Variants in FBXL7 observed in about 807,000 individuals in gnomAD.
FBXL7 encodes F-box and leucine rich repeat protein 7, also known as F-box/LRR-repeat protein 7.
A neutral mutation model predicts 38.3 loss-of-function variants in FBXL7; 12 were observed. The observed-to-expected ratio is 0.31, with a 90% CI of 0.20 to 0.51. The LOEUF is 0.51. Among genes scored for constraint, FBXL7 ranks in the 20% least tolerant of loss-of-function variants. FBXL7 has a pLI of 0.98. For synonymous variants in FBXL7, 297 were observed against 300.9 expected (o/e 0.99, Z 0.13); for missense variants, 567 against 676.4 (o/e 0.84, Z 1.79).
chr5:15,705,896 A>AG (rs1284894656), intron 2 of FBXL7, among the ~76,000 whole-genome samples: 1 of 152,146 alleles, frequency 6.6e-6, no homozygotes, highest in Non-Finnish European at 1.5e-5. Context: ...TTATTTTTGA[A>AG]GGGAAAAAAT....
At chr5:15,848,717 T>G (rs1738999332) in intron 2 of FBXL7, among the ~76,000 whole-genome samples, 1 of 152,206 alleles carries the variant, frequency 6.6e-6, no homozygotes, top group Non-Finnish European at 1.5e-5. Flanking sequence ...GAGAGAACTT[T>G]AAGTCAAAAG....
intron 2 of FBXL7, among the ~76,000 whole-genome samples, chr5:15,835,227 T>C (rs1321925266): frequency 6.6e-6 from 1 of 152,170 alleles, no homozygotes; most frequent in African/African-American, 2.4e-5. Context: ...CCAGCAGGTT[T>C]TGAACTGAGG....
intron 2 of FBXL7, among the ~76,000 whole-genome samples, chr5:15,835,303 A>G (rs184730694): frequency 6.6e-4 from 101 of 152,332 alleles, no homozygotes; most frequent in African/African-American, 2.4e-3. Flanking sequence ...TGTAGCACCA[A>G]TGCAAAATGC....
chr5:15,666,832 CAA>C (rs940862439), intron 2 of FBXL7, among the ~76,000 whole-genome samples: 5 of 152,056 alleles, frequency 3.3e-5, no homozygotes, highest in Admixed American at 6.6e-5. Flanking sequence ...TTAGAGAAAA[CAA>C]AAAATAAAGT....
chr5:15,717,498 T>C (rs552437262), intron 2 of FBXL7, among the ~76,000 whole-genome samples: 1 of 152,338 alleles, frequency 6.6e-6, no homozygotes, highest in South Asian at 2.1e-4. Context: ...TCAGAATTTT[T>C]AGTGAAGCAG....
At chr5:15,618,512 A>C (rs1233573703) in intron 2 of FBXL7, among the ~76,000 whole-genome samples, 1 of 152,196 alleles carries the variant, frequency 6.6e-6, no homozygotes, top group Non-Finnish European at 1.5e-5. Flanking sequence ...TTGCGGGATG[A>C]TTAGTTTCCT....
intron 2 of FBXL7, among the ~76,000 whole-genome samples, chr5:15,811,947 G>A (rs1435638494): frequency 6.6e-6 from 1 of 152,104 alleles, no homozygotes; most frequent in Non-Finnish European, 1.5e-5. Context: ...CAAGGATCTA[G>A]AACCAGAAAT....
intron 2 of FBXL7, among the ~76,000 whole-genome samples, chr5:15,808,487 C>T (rs1363385106): frequency 6.6e-6 from 1 of 152,170 alleles, no homozygotes; most frequent in Non-Finnish European, 1.5e-5. Flanking sequence ...CTTCAGGCGA[C>T]ACCATGGGCA....
At chr5:15,843,284 C>G (rs1167219791) in intron 2 of FBXL7, among the ~76,000 whole-genome samples, 2 of 152,100 alleles carry the variant, frequency 1.3e-5, no homozygotes, top group Admixed American at 1.3e-4. Context: ...CTTATTACCC[C>G]CTCTGGTTCT....
chr5:15,590,227 C>G (rs371987197), intron 1 of FBXL7, among the ~76,000 whole-genome samples: 1 of 152,160 alleles, frequency 6.6e-6, no homozygotes, highest in African/African-American at 2.4e-5. Flanking sequence ...GCTGCCTCAT[C>G]TGTCCAATCA....
chr5:15,762,374 C>T (rs1736471469), intron 2 of FBXL7, among the ~76,000 whole-genome samples: 1 of 70,332 alleles, frequency 1.4e-5, no homozygotes, highest in African/African-American at 4.1e-5. Flanking sequence ...TTAGAAGCAC[C>T]CTTGTAGGGT....
At chr5:15,561,568 G>C (rs1738417540) in intron 1 of FBXL7, among the ~76,000 whole-genome samples, 1 of 152,030 alleles carries the variant, frequency 6.6e-6, no homozygotes, top group African/African-American at 2.4e-5. Flanking sequence ...ATTTCCTTTG[G>C]ATATATACCC....
Position 15,720,521 on chromosome 5 carries a change from T to G in FBXL7, c.127+104449T>G, listed in dbSNP as rs531041879. ...GAAGCATGCATACTGGTTGTAAATA[T>G]CATTGAATAACTTACTAAAACTTTA... On this transcript the variant is annotated intron_variant, in intron 2 of 3. Coordinates refer to ENST00000504595, the MANE Select transcript of FBXL7 (RefSeq NM_012304.5). Among the ~76,000 whole-genome samples, 7 of 148,904 alleles carry G rather than the reference T, an allele frequency of 4.7e-5. 1 individual carries two copies. The South Asian group carries it at 1.3e-3, about 28-fold the overall frequency.
chr5:15,505,539 T>C lies in FBXL7; in HGVS notation c.37+4826T>C, dbSNP rs546746480. ...ATGCTTGTGTGTGTGTGAGCTTATG[T>C]GTTGGGAGGAAGGGGAACTAGAATG... is the stretch of plus-strand genomic sequence containing the variant. On this transcript the variant is annotated intron_variant, in intron 1 of 3. Transcript: ENST00000504595. 5.4e-4 allele frequency among the ~76,000 whole-genome samples: 82 copies of C among 152,272 alleles called. 1 individual carries two copies. Among genetic ancestry groups the C allele is most frequent in the African/African-American group, 1.8e-3 (74 of 41,534 alleles).
At chr5:15,826,762 T>TA (rs1458842634) in intron 2 of FBXL7, among the ~76,000 whole-genome samples, 1 of 152,154 alleles carries the variant, frequency 6.6e-6, no homozygotes, top group Non-Finnish European at 1.5e-5. Flanking sequence ...CCATGCAACA[T>TA]ACCCTGAGAC....
intron 1 of FBXL7, among the ~76,000 whole-genome samples, chr5:15,575,146 C>G (rs1406936002): frequency 6.6e-6 from 1 of 152,086 alleles, no homozygotes; most frequent in South Asian, 2.1e-4. Context: ...ATCATCCGGT[C>G]TGAAATGTTA....
At position 15,772,201 on chromosome 5, in the gene FBXL7, G is replaced by T. The variant is rs73072048; in HGVS notation, c.128-155689G>T. On this transcript the variant is annotated intron_variant, in intron 2 of 3. Coordinates refer to ENST00000504595, the MANE Select transcript of FBXL7 (RefSeq NM_012304.5). ...AAACAGCTAAACACCTATCTTACCA[G>T]CAACATCCACTTCCTCCTCTGCTCC... is the stretch of plus-strand genomic sequence containing the variant. 3.9e-3 allele frequency among the ~76,000 whole-genome samples: 600 copies of T among 152,238 alleles called. 5 individuals are homozygous for T. Among genetic ancestry groups the T allele is most frequent in the African/African-American group, 0.014 (577 of 41,544 alleles).
At chr5:15,537,308 T>C (rs1242773570) in intron 1 of FBXL7, among the ~76,000 whole-genome samples, 2 of 152,212 alleles carry the variant, frequency 1.3e-5, no homozygotes, top group Admixed American at 1.3e-4. Flanking sequence ...TATATCTTCT[T>C]TGGAGGAGCA....
intron 1 of FBXL7, among the ~76,000 whole-genome samples, chr5:15,612,694 A>G (rs1740289345): frequency 6.6e-6 from 1 of 152,194 alleles, no homozygotes; most frequent in Admixed American, 6.5e-5. Context: ...ATAAAAGAGC[A>G]GTCTTAAAAA....
Sources: allele counts gnomAD v4.1 joint callset (sites outside exome capture counted in the v4.1 genomes callset), GRCh38; gene constraint gnomAD v4.1.1; transcripts MANE v1.5; gene names NCBI Gene and HGNC (gene_info 2026-07-23, HGNC 2026-07-21).